COL21A1: variants seen among roughly 807,000 people sequenced by gnomAD.
COL21A1 encodes collagen alpha-1(XXI) chain.
A neutral mutation model predicts 137.9 loss-of-function variants in COL21A1; 149 were observed. That is an observed-to-expected ratio of 1.08 (90% CI 0.95 to 1.24). COL21A1 has a LOEUF of 1.24. Among genes scored for constraint, COL21A1 ranks in the 50% most tolerant of loss-of-function variants. The pLI is 0.00. For synonymous variants in COL21A1, 456 were observed against 391.5 expected (o/e 1.16, Z -1.95); for missense variants, 1,167 against 1,158.4 (o/e 1.01, Z -0.11).
intron 1 of COL21A1, among the ~76,000 whole-genome samples, chr6:56,238,924 T>C (rs528149901): frequency 1.3e-5 from 2 of 152,324 alleles, no homozygotes; most frequent in East Asian, 3.9e-4. Flanking sequence ...CCAAAGGGTT[T>C]ATGTGCATTG....
chr6:56,300,758 T>C (rs1175769258), intron 1 of COL21A1, among the ~76,000 whole-genome samples: 2 of 152,164 alleles, frequency 1.3e-5, no homozygotes, highest in Admixed American at 6.5e-5. Context: ...TCAGTCTCTA[T>C]TCAATTGGTG....
intron 1 of COL21A1, among the ~76,000 whole-genome samples, chr6:56,313,553 G>T (rs1764661115): frequency 6.6e-6 from 1 of 152,124 alleles, no homozygotes; most frequent in African/African-American, 2.4e-5. Context: ...TCTCTCTATT[G>T]TCTCCCTTTC....
At chr6:56,380,731 G>A (rs1005989589) in intron 1 of COL21A1, among the ~76,000 whole-genome samples, 5 of 152,128 alleles carry the variant, frequency 3.3e-5, no homozygotes, top group Non-Finnish European at 7.4e-5. Context: ...TGATGTTGCT[G>A]TTGAAAATGG....
chr6:56,387,452 A>T (rs188883813), intron 1 of COL21A1, among the ~76,000 whole-genome samples: 19 of 145,694 alleles, frequency 1.3e-4, no homozygotes, highest in Non-Finnish European at 2.9e-4. Flanking sequence ...CTTCACAAAC[A>T]CCAAAAAAAA....
chr6:56,082,494 G>C (rs1010355096), intron 17 of COL21A1, among the ~76,000 whole-genome samples: 6 of 151,722 alleles, frequency 4.0e-5, no homozygotes, highest in African/African-American at 1.5e-4. Context: ...TACATTTTTT[G>C]TTACTACATA....
rs533085078 is a variant in COL21A1, at chr6:56,362,862, A to C, written c.-39+31109T>G. ...CAGGTCCCGGGCCGGTGCGTATTTG[A>C]AAACTTTATTAATTCTTCCACTTGG... On this transcript the variant is annotated intron_variant, in intron 1 of 28. Transcript: ENST00000370819. 3.3e-5 allele frequency among the ~76,000 whole-genome samples: 5 copies of C among 152,168 alleles called. No individual in the cohort carries two copies. In the South Asian group the frequency reaches 1.0e-3, roughly 32 times the overall value.
chr6:56,223,207 T>C (rs532847046), intron 1 of COL21A1, among the ~76,000 whole-genome samples: 4 of 152,226 alleles, frequency 2.6e-5, no homozygotes, highest in Admixed American at 6.5e-5. Context: ...GACAGTAACA[T>C]CAGTAGATGA....
chr6:56,145,478 A>G (rs920587091), intron 10 of COL21A1, among the ~76,000 whole-genome samples: 11 of 152,278 alleles, frequency 7.2e-5, no homozygotes, highest in African/African-American at 2.6e-4. Flanking sequence ...AGAAAAACAA[A>G]TTTTGGACTA....
chr6:56,302,043 G>A (rs554639900), intron 1 of COL21A1, among the ~76,000 whole-genome samples: 3 of 152,048 alleles, frequency 2.0e-5, no homozygotes, highest in Non-Finnish European at 1.5e-5. Flanking sequence ...CCATGTCCCT[G>A]CAAAGGACAT....
chr6:56,066,977 A>ATGTGTGTGTG (rs1194811264), intron 23 of COL21A1, among the ~76,000 whole-genome samples: 136 of 146,604 alleles, frequency 9.3e-4, no homozygotes, highest in African/African-American at 3.3e-3. Flanking sequence ...ATATATATAT[A>ATGTGTGTGTG]TGTGTGTGTG....
At chr6:56,303,682 A>G (rs1044226160) in intron 1 of COL21A1, among the ~76,000 whole-genome samples, 2 of 152,114 alleles carry the variant, frequency 1.3e-5, no homozygotes, top group African/African-American at 2.4e-5. Flanking sequence ...TCCAAACAGG[A>G]ACAATTTGAC....
chr6:56,130,242 A>T (rs906014448), intron 12 of COL21A1, among the ~76,000 whole-genome samples: 2 of 144,326 alleles, frequency 1.4e-5, no homozygotes, highest in African/African-American at 5.1e-5. Context: ...ATAATTTAAA[A>T]TTTGAAATTA....
intron 1 of COL21A1, among the ~76,000 whole-genome samples, chr6:56,327,583 A>C (rs1765125352): frequency 6.6e-6 from 1 of 151,878 alleles, no homozygotes; most frequent in Non-Finnish European, 1.5e-5. Context: ...GTTAGAGACC[A>C]GAAGCCCCAG....
Position 56,268,547 on chromosome 6 carries a change from C to A in COL21A1, c.-38-85891G>T, listed in dbSNP as rs889695222. 5.9e-5 allele frequency among the ~76,000 whole-genome samples: 9 copies of A among 152,324 alleles called. No individual in the cohort carries two copies. In the South Asian group the frequency reaches 1.9e-3, roughly 32 times the overall value. On this transcript the variant is annotated intron_variant, in intron 1 of 28. Transcript: ENST00000370819. The stretch of plus-strand genomic sequence containing the variant: ...AAAAATATTCTGTCAATATATACCC[C>A]TGTGAAACCAAGGGCAAGAATCCAG...
intron 21 of COL21A1, 52 bp from the exon 22 acceptor site, chr6:56,069,169 G>T: frequency 8.1e-7 from 1 of 1,240,636 alleles, no homozygotes; most frequent in Non-Finnish European, 1.1e-6. Context: ...CTTATGAAAA[G>T]CACCACTGTT....
At chr6:56,150,514 T>TCTCACACACACA (rs1186958042) in intron 10 of COL21A1, among the ~76,000 whole-genome samples, 2 of 46,186 alleles carry the variant, frequency 4.3e-5, no homozygotes, top group East Asian at 7.7e-4. Context: ...CGAGACTCCA[T>TCTCACACACACA]CACACACACA....
intron 1 of COL21A1, among the ~76,000 whole-genome samples, chr6:56,337,583 C>G (rs1055519866): frequency 6.6e-6 from 1 of 152,224 alleles, no homozygotes; most frequent in African/African-American, 2.4e-5. Context: ...TGAGGCCCAT[C>G]TTGGGCCTCC....
rs70986790 is a variant in COL21A1 at position 56,260,848 on chromosome 6, C to CTGTGTGTGTGTGTGTGTGTGTGTGTGTG, written c.-38-78220_-38-78193dup. On this transcript the variant is annotated intron_variant, in intron 1 of 28. Transcript: ENST00000370819. Reference sequence around the variant, plus strand: ...TTGGAGCACAATTTACTTTAATTCACTGTGTGTGTGTGTGTGTGTGTGTGT... The same window carrying CTGTGTGTGTGTGTGTGTGTGTGTGTGTG: ...TTGGAGCACAATTTACTTTAATTCACTGTGTGTGTGTGTGTGTGTGTGTGTGTGTGTGTGTGTGTGTGTGTGTGTGTGT... 4.9e-4 allele frequency among the ~76,000 whole-genome samples: 66 copies of CTGTGTGTGTGTGTGTGTGTGTGTGTGTG among 135,270 alleles called. 1 individual carries two copies. Among genetic ancestry groups the CTGTGTGTGTGTGTGTGTGTGTGTGTGTG allele is most frequent in the African/African-American group, 1.8e-3 (60 of 33,846 alleles). 88.7% of individuals were successfully genotyped at this position (135,270 alleles called of 152,430 possible). A position where few individuals can be genotyped will look rare whatever the true frequency, so the allele number is the denominator to read the frequency against.
chr6:56,246,922 C>T (rs189018786), intron 1 of COL21A1, among the ~76,000 whole-genome samples: 17 of 152,278 alleles, frequency 1.1e-4, no homozygotes, highest in Admixed American at 4.6e-4. Context: ...GCTCAAGCAT[C>T]GATTTTTTTA....
Sources: allele counts gnomAD v4.1 joint callset (sites outside exome capture counted in the v4.1 genomes callset), GRCh38; gene constraint gnomAD v4.1.1; transcripts MANE v1.5; gene names NCBI Gene and HGNC (gene_info 2026-07-23, HGNC 2026-07-21).